The following ME1 variants were observed in gnomAD, a reference collection of about 807,000 sequenced individuals.
The protein encoded by ME1 is NADP-dependent malic enzyme.
ME1 carries 74 observed loss-of-function variants against 66.4 expected under a neutral mutation model. That is an observed-to-expected ratio of 1.11 (90% confidence interval 0.92 to 1.35). The LOEUF (loss-of-function observed/expected upper bound fraction) is 1.35, where lower values mean the gene tolerates loss of function less well. Ranked by LOEUF, ME1 falls within the 40% of genes most tolerant of loss-of-function variation. The probability of loss-of-function intolerance (pLI) is 0.00; values close to 1 mark genes in which losing one functional copy is unlikely to be tolerated. For missense variants in ME1, 750 were observed against 694.1 expected (o/e 1.08, Z -0.90); for synonymous variants, 251 against 235.6 (o/e 1.07, Z -0.60).
At chr6:83,369,671 CGAAGGAAG>C (rs796598711) in intron 3 of ME1, among the ~76,000 whole-genome samples, 3,195 of 72,280 alleles carry the variant, frequency 0.044, 61 homozygotes, top group Non-Finnish European at 0.055. Context: ...AAGGAAGGAA[CGAAGGAAG>C]GAAGGAAGGA....
chr6:83,305,372 G>C (rs1265548166), intron 6 of ME1, among the ~76,000 whole-genome samples: 1 of 152,098 alleles, frequency 6.6e-6, no homozygotes, highest in Non-Finnish European at 1.5e-5. Context: ...GCAAAACAAG[G>C]GTGATCAGGA....
At chr6:83,327,169 T>A (rs756261910) in intron 5 of ME1, among the ~76,000 whole-genome samples, 13 of 152,202 alleles carry the variant, frequency 8.5e-5, no homozygotes, top group Non-Finnish European at 1.5e-4. Context: ...AGGATGTATG[T>A]CACCTCAGGA....
chr6:83,314,376 T>C (rs1283081777), intron 6 of ME1, among the ~76,000 whole-genome samples: 1 of 152,198 alleles, frequency 6.6e-6, no homozygotes, highest in African/African-American at 2.4e-5. Context: ...ATTAATGGTA[T>C]ATTATGTTTT....
chr6:83,266,049 T>A (rs1267183350), intron 6 of ME1, among the ~76,000 whole-genome samples: 1 of 152,174 alleles, frequency 6.6e-6, no homozygotes, highest in African/African-American at 2.4e-5. Context: ...GCTTGTAGGC[T>A]CTATACATAA....
chr6:83,282,373 G>A (rs1259018848), intron 6 of ME1, among the ~76,000 whole-genome samples: 1 of 152,136 alleles, frequency 6.6e-6, no homozygotes, highest in Non-Finnish European at 1.5e-5. Flanking sequence ...ATCTGACAAA[G>A]GGCTAATATC....
rs184192843 is a variant in ME1, at chr6:83,295,170, C to A, written c.704+20140G>T. On this transcript the variant is annotated intron_variant, in intron 6 of 13. Coordinates refer to ENST00000369705, the MANE Select transcript of ME1 (RefSeq NM_002395.6). ...CACCAAAAAATACTTTGGTAACATA[C>A]CCCCATGTGAAACCAAAGACAAGAA... is the stretch of plus-strand genomic sequence containing the variant. Among the ~76,000 whole-genome samples the A allele has an allele frequency of 3.5e-4, 53 of 152,292 alleles. No homozygotes were observed. In the East Asian group the frequency reaches 0.01, roughly 29 times the overall value.
intron 6 of ME1, among the ~76,000 whole-genome samples, chr6:83,295,731 G>C (rs944876931): frequency 6.6e-6 from 1 of 152,002 alleles, no homozygotes; most frequent in African/African-American, 2.4e-5. Flanking sequence ...AACAAATCCA[G>C]GAGTGGTTCT....
At chr6:83,326,762 G>C (rs909571324) in intron 5 of ME1, among the ~76,000 whole-genome samples, 19 of 152,206 alleles carry the variant, frequency 1.2e-4, no homozygotes, top group African/African-American at 4.3e-4. Context: ...TGGAGAAATA[G>C]AAATGCTTTT....
Position 83,210,643 on chromosome 6 carries a change from A to G in ME1, c.*1281T>C, listed in dbSNP as rs1483724141. The stretch of plus-strand genomic sequence containing the variant: ...ATTTGTGTAACCTTCAACTTTCAAT[A>G]AAATCATTTTATAGTATAATTTATC... On this transcript the variant is annotated 3_prime_UTR_variant, in exon 14 of 14. Coordinates refer to ENST00000369705, the MANE Select transcript of ME1 (RefSeq NM_002395.6). 1 of 152,236 alleles carries G rather than the reference A, an allele frequency of 6.6e-6. No homozygotes were observed. The highest frequency in any genetic ancestry group is 1.5e-5 in the Non-Finnish European group (1 of 68,036). 9.4% of individuals were successfully genotyped at this position (152,236 alleles called of 1,614,324 possible).
At chr6:83,346,118 G>A in intron 5 of ME1, 55 bp downstream of exon 5, 6 of 1,330,632 alleles carry the variant, frequency 4.5e-6, no homozygotes, top group Non-Finnish European at 5.0e-6. Flanking sequence ...CAAAATGCAA[G>A]AATTGATGCC....
At chr6:83,416,186 T>A (rs1310886339) in intron 1 of ME1, among the ~76,000 whole-genome samples, 1 of 152,188 alleles carries the variant, frequency 6.6e-6, no homozygotes, top group African/African-American at 2.4e-5. Flanking sequence ...ACATAGTACA[T>A]GTTATGTGTG....
At chr6:83,402,224 T>C (rs746373157) in intron 2 of ME1, among the ~76,000 whole-genome samples, 3 of 152,122 alleles carry the variant, frequency 2.0e-5, no homozygotes, top group Non-Finnish European at 2.9e-5. Flanking sequence ...TGAGGCAAGG[T>C]TCTCCAGGAG....
intron 6 of ME1, among the ~76,000 whole-genome samples, chr6:83,283,085 G>A (rs1360571750): frequency 4.7e-5 from 7 of 149,686 alleles, no homozygotes; most frequent in African/African-American, 1.2e-4. Flanking sequence ...AAAATTAGCC[G>A]GGCGTGGTAG....
intron 6 of ME1, among the ~76,000 whole-genome samples, chr6:83,268,303 G>A (rs1767024646): frequency 6.6e-6 from 1 of 152,118 alleles, no homozygotes. Flanking sequence ...AGGTATTATA[G>A]TAGCTTTATT....
At chr6:83,212,520 C>T (rs1050454087) in intron 13 of ME1, among the ~76,000 whole-genome samples, 5 of 152,192 alleles carry the variant, frequency 3.3e-5, no homozygotes. Flanking sequence ...CCAGGGTCTC[C>T]TGATCTTGCT....
intron 5 of ME1, among the ~76,000 whole-genome samples, chr6:83,331,372 G>A (rs1583385886): frequency 6.6e-6 from 1 of 151,900 alleles, no homozygotes; most frequent in Non-Finnish European, 1.5e-5. Context: ...GGTGGATCAC[G>A]AGGTCCGGAG....
intron 10 of ME1, among the ~76,000 whole-genome samples, chr6:83,228,362 G>A (rs193093903): frequency 1.3e-4 from 20 of 152,180 alleles, no homozygotes; most frequent in Admixed American, 1.0e-3. Context: ...ATTCCTTGTC[G>A]CAGGGGCTGT....
intron 3 of ME1, among the ~76,000 whole-genome samples, chr6:83,361,040 A>G (rs1455896898): frequency 6.6e-6 from 1 of 152,236 alleles, no homozygotes; most frequent in Non-Finnish European, 1.5e-5. Context: ...GCTTTGTATC[A>G]TAATCTTATT....
intron 3 of ME1, among the ~76,000 whole-genome samples, chr6:83,357,031 G>T (rs565245052): frequency 1.3e-5 from 2 of 152,080 alleles, no homozygotes; most frequent in Admixed American, 6.5e-5. Flanking sequence ...TGACTTTCAA[G>T]ACATTGATAC....
Sources: allele counts gnomAD v4.1 joint callset (sites outside exome capture counted in the v4.1 genomes callset), GRCh38; gene constraint gnomAD v4.1.1; transcripts MANE v1.5; gene names NCBI Gene and HGNC (gene_info 2026-07-23, HGNC 2026-07-21).